The following LYPD6 variants were observed in gnomAD, a reference collection of about 807,000 sequenced individuals.
The protein encoded by LYPD6 is ly6/PLAUR domain-containing protein 6.
A neutral mutation model predicts 22.7 loss-of-function variants in LYPD6; 15 were observed. The observed-to-expected ratio is 0.66, with a 90% CI of 0.44 to 1.02. LYPD6 has a LOEUF of 1.02. Among genes scored for constraint, LYPD6 ranks in the 50% least tolerant of loss-of-function variants. The probability of loss-of-function intolerance (pLI) is 0.00; values close to 1 mark genes in which losing one functional copy is unlikely to be tolerated. For missense variants in LYPD6, 189 were observed against 208.4 expected, an observed-to-expected ratio of 0.91 and a Z score of 0.57; for synonymous variants, 72 against 77.5, an observed-to-expected ratio of 0.93 and a Z score of 0.37.
chr2:149,392,532 C>T (rs756208051), intron 1 of LYPD6, among the ~76,000 whole-genome samples: 11 of 152,168 alleles, frequency 7.2e-5, no homozygotes, highest in Non-Finnish European at 1.5e-4. Context: ...AACCAGTCCC[C>T]CTGAGGACCA....
At chr2:149,446,014 G>A (rs1186297654) in intron 2 of LYPD6, among the ~76,000 whole-genome samples, 1 of 152,182 alleles carries the variant, frequency 6.6e-6, no homozygotes, top group Admixed American at 6.5e-5. Flanking sequence ...AACACTTAGA[G>A]GCATTTGTAG....
intron 1 of LYPD6, among the ~76,000 whole-genome samples, chr2:149,360,000 C>G (rs1393116071): frequency 6.6e-6 from 1 of 152,154 alleles, no homozygotes; most frequent in Non-Finnish European, 1.5e-5. Context: ...TGATTATATG[C>G]TAAACAAGAG....
intron 1 of LYPD6, among the ~76,000 whole-genome samples, chr2:149,413,336 A>T (rs947574947): frequency 6.6e-6 from 1 of 152,202 alleles, no homozygotes; most frequent in African/African-American, 2.4e-5. Flanking sequence ...TTACTGCAAC[A>T]TGATACAGAA....
intron 1 of LYPD6, among the ~76,000 whole-genome samples, chr2:149,384,306 G>A (rs774749149): frequency 3.9e-5 from 6 of 152,218 alleles, no homozygotes; most frequent in Non-Finnish European, 8.8e-5. Flanking sequence ...TGAAGGCAAA[G>A]TATTCTTATC....
At chr2:149,337,458 T>G (rs1053792916) in intron 1 of LYPD6, among the ~76,000 whole-genome samples, 1 of 152,156 alleles carries the variant, frequency 6.6e-6, no homozygotes, top group African/African-American at 2.4e-5. Context: ...ATCCAGCTCC[T>G]GCCACTTGCA....
At chr2:149,386,286 T>C (rs1474047578) in intron 1 of LYPD6, among the ~76,000 whole-genome samples, 1 of 152,220 alleles carries the variant, frequency 6.6e-6, no homozygotes, top group African/African-American at 2.4e-5. Context: ...TGCCTGAGCA[T>C]TTCTTCCTCT....
chr2:149,372,289 C>G (rs547396076), intron 1 of LYPD6, among the ~76,000 whole-genome samples: 6 of 152,248 alleles, frequency 3.9e-5, no homozygotes, highest in Admixed American at 6.5e-5. Context: ...AAGTCCCGTT[C>G]CTCTCTTAAG....
intron 1 of LYPD6, among the ~76,000 whole-genome samples, chr2:149,423,615 T>A (rs529007454): frequency 7.2e-5 from 11 of 152,232 alleles, no homozygotes; most frequent in Admixed American, 3.3e-4. Context: ...GTTTACCAGC[T>A]TTTTTCTGCG....
intron 1 of LYPD6, among the ~76,000 whole-genome samples, chr2:149,338,507 G>T (rs1331909105): frequency 6.6e-6 from 1 of 152,142 alleles, no homozygotes; most frequent in Non-Finnish European, 1.5e-5. Context: ...GAGCCCTCAT[G>T]AGTGGGATTA....
intron 1 of LYPD6, among the ~76,000 whole-genome samples, chr2:149,389,856 G>GCAGT (rs1230990718): frequency 6.6e-6 from 1 of 152,160 alleles, no homozygotes; most frequent in Non-Finnish European, 1.5e-5. Context: ...TCTTTGAGCT[G>GCAGT]CAGTGCAGGG....
At chr2:149,344,195 A>G (rs1459499652) in intron 1 of LYPD6, among the ~76,000 whole-genome samples, 5 of 152,088 alleles carry the variant, frequency 3.3e-5, no homozygotes, top group Middle Eastern at 3.2e-3. Context: ...CTTGCCTCTT[A>G]CCTAGAACTG....
At chr2:149,468,894 T>C (rs1440977103) in intron 4 of LYPD6, 119 bp downstream of exon 4, 4 of 1,095,190 alleles carry the variant, frequency 3.7e-6, no homozygotes, top group Non-Finnish European at 5.3e-6. Flanking sequence ...TGATTGTCTT[T>C]ATGCTCTATG....
At chr2:149,420,112 C>T (rs1223019530) in intron 1 of LYPD6, among the ~76,000 whole-genome samples, 1 of 152,124 alleles carries the variant, frequency 6.6e-6, no homozygotes, top group East Asian at 1.9e-4. Flanking sequence ...AAGTATGCCA[C>T]CTTTAGAGAG....
intron 1 of LYPD6, among the ~76,000 whole-genome samples, chr2:149,341,605 T>C (rs1243857062): frequency 6.6e-6 from 1 of 152,184 alleles, no homozygotes; most frequent in Non-Finnish European, 1.5e-5. Context: ...CTCGTTGTGC[T>C]ACTATAACAA....
intron 3 of LYPD6, among the ~76,000 whole-genome samples, chr2:149,452,752 G>T (rs886695266): frequency 6.6e-6 from 1 of 152,200 alleles, no homozygotes; most frequent in African/African-American, 2.4e-5. Context: ...TGTGCATAGA[G>T]ACATAGTGTA....
At chr2:149,464,898 G>A (rs1237373551) in intron 3 of LYPD6, among the ~76,000 whole-genome samples, 1 of 152,172 alleles carries the variant, frequency 6.6e-6, no homozygotes, top group Non-Finnish European at 1.5e-5. Context: ...CAATATCCCA[G>A]GAGGTCCCTT....
chr2:149,394,467 G>T (rs538207782), intron 1 of LYPD6, among the ~76,000 whole-genome samples: 2 of 152,056 alleles, frequency 1.3e-5, no homozygotes, highest in South Asian at 4.2e-4. Context: ...ATCCATTTTG[G>T]ATATATTTTA....
intron 1 of LYPD6, among the ~76,000 whole-genome samples, chr2:149,416,454 G>C (rs1446729166): frequency 6.6e-6 from 1 of 152,130 alleles, no homozygotes; most frequent in Admixed American, 6.6e-5. Flanking sequence ...GCCTTACCTG[G>C]GTAAAAACAG....
chr2:149,335,764 T>C (rs187629626), intron 1 of LYPD6, among the ~76,000 whole-genome samples: 187 of 152,352 alleles, frequency 1.2e-3, no homozygotes, highest in African/African-American at 4.3e-3. Context: ...CGTATTTTTA[T>C]GGTACCTTTT....
Sources: allele counts gnomAD v4.1 joint callset (sites outside exome capture counted in the v4.1 genomes callset), GRCh38; gene constraint gnomAD v4.1.1; transcripts MANE v1.5; gene names NCBI Gene and HGNC (gene_info 2026-07-23, HGNC 2026-07-21).